The following C12orf42 variants were observed in gnomAD, a reference collection of about 807,000 sequenced individuals.
C12orf42 encodes the protein chromosome 12 open reading frame 42.
C12orf42 carries 25 observed loss-of-function variants against 21.6 expected under a neutral mutation model. That is an observed-to-expected ratio of 1.16 (90% confidence interval 0.84 to 1.62). C12orf42 has a LOEUF of 1.62. Ranked by LOEUF, C12orf42 falls within the 40% of genes most tolerant of loss-of-function variation. C12orf42 has a pLI of 0.00. For synonymous variants in C12orf42, 174 were observed against 175.0 expected (o/e 0.99, Z 0.05); for missense variants, 483 against 459.3 (o/e 1.05, Z -0.47).
At chr12:103,161,154 T>C in the C12orf42 span, among the ~76,000 whole-genome samples, 1 of 152,226 alleles carries the variant, frequency 6.6e-6, no homozygotes, top group Non-Finnish European at 1.5e-5. Context: ...ATTGCATAAA[T>C]TCTAAATCTT....
intron 2 of C12orf42, among the ~76,000 whole-genome samples, chr12:103,456,731 T>C (rs1243668655): frequency 1.3e-5 from 2 of 152,168 alleles, no homozygotes; most frequent in Non-Finnish European, 2.9e-5. Flanking sequence ...GGTTGAGGCT[T>C]ATATGTAGAC....
At chr12:103,483,406 G>T (rs375388127) in intron 1 of C12orf42, among the ~76,000 whole-genome samples, 2 of 152,044 alleles carry the variant, frequency 1.3e-5, no homozygotes, top group Admixed American at 1.3e-4. Context: ...ATTCTCGAAG[G>T]CCTGTGTTTA....
At chr12:103,469,157 A>G (rs1953383159) in intron 2 of C12orf42, among the ~76,000 whole-genome samples, 1 of 152,236 alleles carries the variant, frequency 6.6e-6, no homozygotes, top group South Asian at 2.1e-4. Flanking sequence ...TTGGTGTTAA[A>G]GGGAGCAGGG....
intron 2 of C12orf42, among the ~76,000 whole-genome samples, chr12:103,403,555 G>A (rs899237434): frequency 6.6e-6 from 1 of 152,146 alleles, no homozygotes; most frequent in Non-Finnish European, 1.5e-5. Flanking sequence ...TCAAATTTCA[G>A]AATCTGGACT....
chr12:103,057,433 T>C, the C12orf42 span, among the ~76,000 whole-genome samples: 3 of 152,184 alleles, frequency 2.0e-5, no homozygotes, highest in African/African-American at 7.2e-5. Context: ...CTCCCACTTA[T>C]GAGTGAAAAC....
the C12orf42 span, among the ~76,000 whole-genome samples, chr12:103,156,748 A>G: frequency 0.39 from 58,703 of 151,736 alleles, 11,593 homozygotes; most frequent in Admixed American, 0.44. Context: ...TTTCTGTGTT[A>G]GTTTGCTGAG....
the C12orf42 span, among the ~76,000 whole-genome samples, chr12:103,058,940 C>CAAAT: frequency 6.6e-6 from 1 of 151,612 alleles, no homozygotes; most frequent in South Asian, 2.1e-4. Context: ...CAAGAGCAAA[C>CAAAT]TCAAAAGCTA....
chr12:103,098,622 C>A, the C12orf42 span, among the ~76,000 whole-genome samples: 1 of 152,188 alleles, frequency 6.6e-6, no homozygotes, highest in Non-Finnish European at 1.5e-5. Context: ...ACCTTGACAT[C>A]GTGCAGCTTC....
the C12orf42 span, among the ~76,000 whole-genome samples, chr12:103,165,145 G>A: frequency 6.6e-6 from 1 of 152,188 alleles, no homozygotes; most frequent in African/African-American, 2.4e-5. Flanking sequence ...TTGTATAGCT[G>A]TCTGTTCCTA....
chr12:103,416,816 T>A (rs771628068), intron 2 of C12orf42, among the ~76,000 whole-genome samples: 17 of 152,212 alleles, frequency 1.1e-4, no homozygotes, highest in Non-Finnish European at 2.2e-4. Context: ...TCTGTTTTAG[T>A]CTTCTAAACC....
At chr12:103,365,158 G>T (rs2044485690) in intron 4 of C12orf42, among the ~76,000 whole-genome samples, 1 of 152,056 alleles carries the variant, frequency 6.6e-6, no homozygotes, top group Non-Finnish European at 1.5e-5. Context: ...AGGGATGTAG[G>T]AATGGTTTAA....
At chr12:103,391,269 C>G (rs2138446873) in intron 3 of C12orf42, among the ~76,000 whole-genome samples, 1 of 152,138 alleles carries the variant, frequency 6.6e-6, no homozygotes, top group East Asian at 1.9e-4. Context: ...GTATCCATTT[C>G]TCTGTTTTCG....
At chr12:103,383,780 A>G (rs2138264377) in intron 3 of C12orf42, among the ~76,000 whole-genome samples, 1 of 152,384 alleles carries the variant, frequency 6.6e-6, no homozygotes, top group East Asian at 1.9e-4. Flanking sequence ...TTGCCTATAA[A>G]ATAACAAAGT....
At position 103,281,972 on chromosome 12, in the gene C12orf42, C is replaced by T. The variant is rs139751651; in HGVS notation, n.338-4762G>A. Among the ~76,000 whole-genome samples the T allele has an allele frequency of 6.3e-3, 857 of 135,754 alleles. 4 individuals carry two copies. The highest frequency in any genetic ancestry group is 0.022 in the African/African-American group (811 of 36,546). The allele number at this position is 135,754 out of a possible 152,430, so 89.1% of individuals were successfully genotyped here. Reference sequence around the variant, plus strand: ...GAAAGAAAGAAAGAAAGAGATCGATCCTAAAATTTCTTGATATTTCTTGAA... The same window carrying T: ...GAAAGAAAGAAAGAAAGAGATCGATTCTAAAATTTCTTGATATTTCTTGAA... On this transcript the variant is annotated intron_variant and non_coding_transcript_variant, in intron 4 of 6. Coordinates refer to the C12orf42 transcript ENST00000546526.
At chr12:103,163,908 T>C in the C12orf42 span, among the ~76,000 whole-genome samples, 1 of 152,210 alleles carries the variant, frequency 6.6e-6, no homozygotes, top group East Asian at 1.9e-4. Context: ...CTTATTCTCA[T>C]CTGGGGAAAA....
chr12:103,097,207 C>G, the C12orf42 span, among the ~76,000 whole-genome samples: 24 of 152,220 alleles, frequency 1.6e-4, no homozygotes, highest in African/African-American at 5.8e-4. Context: ...AAGCAATTAG[C>G]TCTAGTTAAT....
At chr12:103,080,901 A>G in the C12orf42 span, 1 of 152,196 alleles carries the variant, frequency 6.6e-6, no homozygotes. Context: ...ATAGGTCAAC[A>G]ATTTGCCCAA....
the C12orf42 span, among the ~76,000 whole-genome samples, chr12:103,130,171 T>G: frequency 6.6e-6 from 1 of 151,888 alleles, no homozygotes; most frequent in African/African-American, 2.4e-5. Flanking sequence ...AAATAATATG[T>G]CTCATCTGAT....
At chr12:103,288,523 CT>C (rs1477794537) in intron 4 of C12orf42, among the ~76,000 whole-genome samples, 3 of 152,170 alleles carry the variant, frequency 2.0e-5, no homozygotes, top group African/African-American at 7.2e-5. Context: ...GCACTTTTAC[CT>C]GTCACTTTTA....
Sources: allele counts gnomAD v4.1 joint callset (sites outside exome capture counted in the v4.1 genomes callset), GRCh38; gene constraint gnomAD v4.1.1; transcripts MANE v1.5; gene names NCBI Gene and HGNC (gene_info 2026-07-23, HGNC 2026-07-21).